Variants in HECW1 observed in about 807,000 individuals in gnomAD.
HECW1 encodes E3 ubiquitin-protein ligase HECW1.
HECW1 carries 61 observed loss-of-function variants against 182.3 expected under a neutral mutation model. The ratio of observed to expected loss-of-function variants is 0.33; its 90% CI spans 0.27 to 0.41. The LOEUF (loss-of-function observed/expected upper bound fraction) is 0.41, where lower values mean the gene tolerates loss of function less well. HECW1 is among the 10% of genes least tolerant of loss of function. The probability of loss-of-function intolerance (pLI) is 1.00; values close to 1 mark genes in which losing one functional copy is unlikely to be tolerated. For missense variants in HECW1, 1,739 were observed against 2,108.9 expected (o/e 0.82, Z 3.44); for synonymous variants, 859 against 832.6 (o/e 1.03, Z -0.55).
At chr7:43,518,991 C>G (rs1232303569) in intron 24 of HECW1, among the ~76,000 whole-genome samples, 2 of 152,012 alleles carry the variant, frequency 1.3e-5, no homozygotes, top group African/African-American at 2.4e-5. Context: ...ACCCCTATAC[C>G]CTTTAGCCCA....
At chr7:43,486,984 G>A (rs542256075) in intron 17 of HECW1, among the ~76,000 whole-genome samples, 5 of 152,218 alleles carry the variant, frequency 3.3e-5, no homozygotes, top group South Asian at 4.2e-4. Flanking sequence ...TTTATTGCCC[G>A]CTTCTTATTA....
intron 5 of HECW1, among the ~76,000 whole-genome samples, chr7:43,323,509 C>T (rs923316191): frequency 6.6e-6 from 1 of 151,966 alleles, no homozygotes; most frequent in Non-Finnish European, 1.5e-5. Flanking sequence ...TCACCTGTAC[C>T]GTGGAAGTTG....
chr7:43,436,177 A>G lies in HECW1; in HGVS notation c.802-1826A>G, dbSNP rs561433635. ...AGACTTTGTCTCAAAAAAAAAAAAA[A>G]AAAAAAAAGGATTGCTGTTAGGATT... On this transcript the variant is annotated intron_variant, in intron 8 of 29. Coordinates refer to ENST00000395891, the MANE Select transcript of HECW1 (RefSeq NM_015052.5). Among the ~76,000 whole-genome samples the G allele has an allele frequency of 1.1e-4, 17 of 151,854 alleles. No individual in the cohort carries two copies. The East Asian group carries it at 2.3e-3, about 21-fold the overall frequency.
In HECW1 at chr7:43,311,829, C is replaced by G. The variant is rs1238857737; in HGVS notation, c.94C>G (p.Arg32Gly). The change falls in exon 4 of 30, where the codon CGA (arginine) becomes GGA (glycine). Residue 32 changes from arginine to glycine, a missense_variant. Physicochemically the swap from Arg to Gly is moderately radical, Grantham distance 125. Around this residue, in one of 5 missense-constraint regions of HECW1, gnomAD observed 279 missense variants for 353.1 expected, o/e 0.79. Transcript: ENST00000395891. ...MASPSRNSQS[R>G]RRCKEPLRYS... is the part of the protein sequence containing the mutation. Reference sequence around the variant, plus strand: ...GTCTCCTTCTAGAAACTCCCAGAGCCGACGCCGGTGCAAGGAGCCGCTCCG... The same window carrying G: ...GTCTCCTTCTAGAAACTCCCAGAGCGGACGCCGGTGCAAGGAGCCGCTCCG... 1.2e-6 allele frequency: 2 copies of G among 1,614,152 alleles called. No homozygotes were observed. Among genetic ancestry groups the G allele is most frequent in the East Asian group, 2.2e-5 (1 of 44,882 alleles).
chr7:43,361,057 CGTGTGTGTGTGTGT>C (rs3032904), intron 6 of HECW1, 77 bp downstream of exon 6: 23 of 637,992 alleles, frequency 3.6e-5, no homozygotes, highest in Admixed American at 8.5e-5. Flanking sequence ...CTTGTGCGTG[CGTGTGTGTGTGTGT>C]GTGTGTGTGT....
chr7:43,116,107 A>T (rs1434890727), intron 2 of HECW1, among the ~76,000 whole-genome samples: 2 of 152,194 alleles, frequency 1.3e-5, no homozygotes, highest in Non-Finnish European at 2.9e-5. Flanking sequence ...CAGAGAGGTT[A>T]TGTAAGATGC....
intron 16 of HECW1, among the ~76,000 whole-genome samples, chr7:43,474,729 C>A (rs1006028798): frequency 6.6e-6 from 1 of 152,046 alleles, no homozygotes; most frequent in Non-Finnish European, 1.5e-5. Flanking sequence ...CATATTAATT[C>A]TTTTATTAGA....
intron 3 of HECW1, among the ~76,000 whole-genome samples, chr7:43,297,803 G>A (rs1584376855): frequency 6.6e-6 from 1 of 152,306 alleles, no homozygotes; most frequent in Non-Finnish European, 1.5e-5. Context: ...CAGGCATGGT[G>A]GCTCACGCCT....
chr7:43,132,536 T>C (rs1279610777), intron 2 of HECW1, among the ~76,000 whole-genome samples: 1 of 149,704 alleles, frequency 6.7e-6, no homozygotes, highest in Non-Finnish European at 1.5e-5. Flanking sequence ...CTCTCTCTCT[T>C]TCTCTCTTTC....
chr7:43,155,013 C>T (rs1789725850), intron 2 of HECW1, among the ~76,000 whole-genome samples: 1 of 152,174 alleles, frequency 6.6e-6, no homozygotes, highest in East Asian at 1.9e-4. Context: ...GGGGTACAGA[C>T]TACAACGCAA....
intron 11 of HECW1, among the ~76,000 whole-genome samples, chr7:43,450,412 T>C (rs1272615812): frequency 6.6e-6 from 1 of 152,252 alleles, no homozygotes; most frequent in Non-Finnish European, 1.5e-5. Context: ...AGGTGTCATT[T>C]TGCATAAGCC....
chr7:43,313,012 G>A (rs1808727187), intron 4 of HECW1, among the ~76,000 whole-genome samples: 1 of 152,298 alleles, frequency 6.6e-6, no homozygotes, highest in Non-Finnish European at 1.5e-5. Flanking sequence ...ATCACAGAAA[G>A]TAATGGATTG....
chr7:43,229,558 G>C (rs1477147351), intron 2 of HECW1, among the ~76,000 whole-genome samples: 1 of 151,948 alleles, frequency 6.6e-6, no homozygotes, highest in Non-Finnish European at 1.5e-5. Flanking sequence ...GAAATAATCT[G>C]TACCACAATC....
At chr7:43,124,566 AG>A (rs1263733987) in intron 2 of HECW1, among the ~76,000 whole-genome samples, 1 of 152,216 alleles carries the variant, frequency 6.6e-6, no homozygotes, top group East Asian at 1.9e-4. Flanking sequence ...AACCTGAAAG[AG>A]GAACCTGTCT....
At chr7:43,365,238 T>C (rs1007638478) in intron 6 of HECW1, among the ~76,000 whole-genome samples, 5 of 151,982 alleles carry the variant, frequency 3.3e-5, no homozygotes, top group African/African-American at 7.3e-5. Flanking sequence ...TAAGTGAGAG[T>C]CTTTCAAGTC....
At chr7:43,249,815 A>G (rs1799835350) in intron 3 of HECW1, among the ~76,000 whole-genome samples, 1 of 152,172 alleles carries the variant, frequency 6.6e-6, no homozygotes, top group African/African-American at 2.4e-5. Flanking sequence ...TTAGAGCTCA[A>G]AATTTTCCTT....
intron 3 of HECW1, among the ~76,000 whole-genome samples, chr7:43,293,115 G>A (rs551627846): frequency 1.3e-5 from 2 of 151,444 alleles, no homozygotes; most frequent in South Asian, 4.2e-4. Flanking sequence ...ATCTACTCTG[G>A]AGGCTGGGGC....
chr7:43,121,711 C>G (rs146232169), intron 2 of HECW1: 33 of 152,212 alleles, frequency 2.2e-4, no homozygotes, highest in African/African-American at 7.5e-4. Context: ...GTCCATCACT[C>G]AGTTTCCTAA....
chr7:43,243,779 G>T lies in HECW1; in HGVS notation c.-31-96G>T. On this transcript the variant is annotated intron_variant, in intron 2 of 29. Coordinates refer to ENST00000395891, the MANE Select transcript of HECW1 (RefSeq NM_015052.5). The surrounding 1 kb of genome is among the most constrained non-coding windows in gnomAD (Gnocchi z 4.0). ...GGTTGCCCAGGCCAGGTATCTTGGC[G>T]GGGGTGGGGGAAACAATGTTGTTTG... The T allele has an allele frequency of 1.1e-6, 1 of 943,316 alleles. No individual in the cohort carries two copies. Among genetic ancestry groups the T allele is most frequent in the Admixed American group, 1.8e-5 (1 of 56,630 alleles). 58.4% of individuals were successfully genotyped at this position (943,316 alleles called of 1,614,324 possible). A position where few individuals can be genotyped will look rare whatever the true frequency, so the allele number is the denominator to read the frequency against.
Sources: gnomAD v4.1 joint callset for allele counts (sites outside exome capture counted in the v4.1 genomes callset) on GRCh38, gnomAD v4.1.1 for gene constraint, gnomAD v4.1.1 regional missense constraint, Gnocchi (gnomAD v3.1) non-coding constraint, MANE v1.5 for transcripts, NCBI Gene and HGNC (gene_info 2026-07-23, HGNC 2026-07-21) for gene names.